KLHL3: variants seen among roughly 807,000 people sequenced by gnomAD.
KLHL3 encodes the protein kelch-like protein 3.
Under a neutral mutation model 70.5 loss-of-function variants are expected in KLHL3, and 19 were observed. The ratio of observed to expected loss-of-function variants is 0.27; its 90% CI spans 0.19 to 0.40. The LOEUF (loss-of-function observed/expected upper bound fraction) is 0.40, where lower values mean the gene tolerates loss of function less well. Ranked by LOEUF, KLHL3 falls within the 10% of genes least tolerant of loss-of-function variation. The probability of loss-of-function intolerance (pLI) is 1.00; values close to 1 mark genes in which losing one functional copy is unlikely to be tolerated. For missense variants in KLHL3, 512 were observed against 771.1 expected, an observed-to-expected ratio of 0.66 and a Z score of 3.98; for synonymous variants, 258 against 290.3, an observed-to-expected ratio of 0.89 and a Z score of 1.13.
intron 6 of KLHL3, among the ~76,000 whole-genome samples, chr5:137,674,413 C>A (rs572247052): frequency 1.0e-3 from 158 of 152,244 alleles, no homozygotes; most frequent in African/African-American, 3.6e-3. Context: ...TCAAACTGAG[C>A]CCCTCTGACT....
chr5:137,683,071 G>A (rs1018987793), intron 5 of KLHL3, among the ~76,000 whole-genome samples: 4 of 152,102 alleles, frequency 2.6e-5, no homozygotes, highest in African/African-American at 9.7e-5. Context: ...CTTTCTCTGA[G>A]ACCCAACTGT....
At chr5:137,671,261 A>G (rs1561599621) in intron 6 of KLHL3, among the ~76,000 whole-genome samples, 1 of 152,126 alleles carries the variant, frequency 6.6e-6, no homozygotes, top group Non-Finnish European at 1.5e-5. Context: ...ATGGCTTTCC[A>G]AAATTCTACC....
chr5:137,686,868 A>C (rs1752178405), intron 5 of KLHL3, among the ~76,000 whole-genome samples: 1 of 152,112 alleles, frequency 6.6e-6, no homozygotes, highest in Non-Finnish European at 1.5e-5. Flanking sequence ...GCATTATACT[A>C]CTTTAAAAAT....
intron 12 of KLHL3, among the ~76,000 whole-genome samples, chr5:137,632,917 C>A (rs1337616790): frequency 6.6e-6 from 1 of 152,100 alleles, no homozygotes; most frequent in Non-Finnish European, 1.5e-5. Flanking sequence ...AAATGCTTAA[C>A]ATCGTAATCA....
chr5:137,705,966 A>G (rs1257467956), intron 3 of KLHL3: 1 of 974,752 alleles, frequency 1.0e-6, no homozygotes, highest in Non-Finnish European at 1.2e-6. Context: ...TGAAAGCAGT[A>G]AAGGGCAAAT....
intron 5 of KLHL3, among the ~76,000 whole-genome samples, chr5:137,691,523 T>C (rs1752321091): frequency 6.6e-6 from 1 of 152,206 alleles, no homozygotes; most frequent in Admixed American, 6.5e-5. Flanking sequence ...TCCTTAAGGA[T>C]TGAAAATGAG....
At chr5:137,673,694 T>G (rs967714234) in intron 6 of KLHL3, 6 of 152,224 alleles carry the variant, frequency 3.9e-5, no homozygotes, top group African/African-American at 1.2e-4. Flanking sequence ...TTGGGGGACA[T>G]CTGCTGAGTC....
At chr5:137,623,753 G>T (rs1750381656) in intron 14 of KLHL3, among the ~76,000 whole-genome samples, 1 of 152,126 alleles carries the variant, frequency 6.6e-6, no homozygotes, top group Admixed American at 6.6e-5. Context: ...AAGTATTACT[G>T]CATTTCATTC....
chr5:137,649,439 G>GA (rs1751143640), intron 8 of KLHL3, among the ~76,000 whole-genome samples: 1 of 152,170 alleles, frequency 6.6e-6, no homozygotes, highest in African/African-American at 2.4e-5. Flanking sequence ...CAAGAAACAG[G>GA]CCTGCCAGCA....
At chr5:137,669,142 A>G (rs1751688056) in intron 6 of KLHL3, among the ~76,000 whole-genome samples, 1 of 152,146 alleles carries the variant, frequency 6.6e-6, no homozygotes, top group Non-Finnish European at 1.5e-5. Flanking sequence ...TACCCAACAA[A>G]TTAGTGAGAA....
chr5:137,708,728 C>A (rs1425526605), intron 3 of KLHL3, among the ~76,000 whole-genome samples: 1 of 152,128 alleles, frequency 6.6e-6, no homozygotes, highest in African/African-American at 2.4e-5. Context: ...TAGAGAGAGG[C>A]CTGGTGTGGA....
Position 137,682,403 on chromosome 5 carries a change from T to TAGAGAGAGAGAGAG in KLHL3, c.527-4763_527-4750dup, listed in dbSNP as rs10578622. Among the ~76,000 whole-genome samples the TAGAGAGAGAGAGAG allele has an allele frequency of 4.2e-3, 560 of 133,430 alleles. 10 individuals are homozygous for TAGAGAGAGAGAGAG. The highest frequency in any genetic ancestry group is 8.1e-3 in the African/African-American group (289 of 35,900). The allele number at this position is 133,430 out of a possible 152,430, so 87.5% of individuals were successfully genotyped here. A position where few individuals can be genotyped will look rare whatever the true frequency, so the allele number is the denominator to read the frequency against. Reference sequence around the variant, plus strand: ...GAATCCCTCTCAGGGGTGCTGGACATAGAGAGAGAGAGAGAGAGAGAGAGA... The same window carrying TAGAGAGAGAGAGAG: ...GAATCCCTCTCAGGGGTGCTGGACATAGAGAGAGAGAGAGAGAGAGAGAGAGAGAGAGAGAGAGA... On this transcript the variant is annotated intron_variant, in intron 5 of 14. Transcript: ENST00000309755.
At chr5:137,707,260 C>G (rs1031732155) in intron 3 of KLHL3, among the ~76,000 whole-genome samples, 2 of 152,166 alleles carry the variant, frequency 1.3e-5, no homozygotes, top group Middle Eastern at 3.2e-3. Context: ...TGGCAAAACC[C>G]ACTCTCTACT....
intron 4 of KLHL3, among the ~76,000 whole-genome samples, chr5:137,694,953 C>T (rs764775032): frequency 1.3e-5 from 2 of 152,124 alleles, no homozygotes; most frequent in South Asian, 2.1e-4. Flanking sequence ...ACCCTCTCCC[C>T]ACCACCCACC....
intron 8 of KLHL3, among the ~76,000 whole-genome samples, chr5:137,645,032 A>G (rs535759121): frequency 1.3e-4 from 20 of 152,314 alleles, no homozygotes; most frequent in African/African-American, 4.8e-4. Flanking sequence ...TAAAAACGAT[A>G]CGTCACATTA....
intron 6 of KLHL3, among the ~76,000 whole-genome samples, chr5:137,664,056 A>T (rs58039556): frequency 0.17 from 26,103 of 151,776 alleles, 2,495 homozygotes; most frequent in Non-Finnish European, 0.22. Context: ...ATTTTTTTTT[A>T]AAAATTATAA....
At chr5:137,665,420 T>C (rs748092289) in intron 6 of KLHL3, among the ~76,000 whole-genome samples, 9 of 152,330 alleles carry the variant, frequency 5.9e-5, no homozygotes, top group South Asian at 2.1e-4. Context: ...AAGAGATACA[T>C]GCTAAAATAT....
intron 3 of KLHL3, among the ~76,000 whole-genome samples, chr5:137,704,787 A>G (rs762321037): frequency 3.3e-5 from 5 of 152,204 alleles, no homozygotes; most frequent in Non-Finnish European, 5.9e-5. Flanking sequence ...CAAGGGTAAC[A>G]TTATTAGACA....
chr5:137,699,105 C>G (rs915754218), intron 3 of KLHL3, among the ~76,000 whole-genome samples: 1 of 152,064 alleles, frequency 6.6e-6, no homozygotes, highest in Non-Finnish European at 1.5e-5. Flanking sequence ...TACTAAATCC[C>G]AAGAACACAG....
Sources: gnomAD v4.1 joint callset for allele counts (sites outside exome capture counted in the v4.1 genomes callset) on GRCh38, gnomAD v4.1.1 for gene constraint, MANE v1.5 for transcripts, NCBI Gene and HGNC (gene_info 2026-07-23, HGNC 2026-07-21) for gene names.